SLC25A42: variants seen among roughly 807,000 people sequenced by gnomAD.
The protein encoded by SLC25A42 is solute carrier family 25 member 42.
A neutral mutation model predicts 34.7 loss-of-function variants in SLC25A42; 19 were observed. The observed-to-expected ratio is 0.55, with a 90% CI of 0.38 to 0.80. SLC25A42 has a LOEUF of 0.80. Ranked by LOEUF, SLC25A42 falls within the 30% of genes least tolerant of loss-of-function variation. The pLI, the probability that SLC25A42 is intolerant of heterozygous loss-of-function variation, is 0.00. For missense variants in SLC25A42, 364 were observed against 441.3 expected, an observed-to-expected ratio of 0.82 and a Z score of 1.57; for synonymous variants, 205 against 191.2, an observed-to-expected ratio of 1.07 and a Z score of -0.59.
At chr19:19,074,708 T>C (rs1002641372) in intron 1 of SLC25A42, among the ~76,000 whole-genome samples, 3 of 151,822 alleles carry the variant, frequency 2.0e-5, no homozygotes, top group Admixed American at 2.0e-4. Flanking sequence ...AGAGAGTGTG[T>C]GTGTGCGTGC....
chr19:19,086,841 A>G (rs910742052), intron 1 of SLC25A42, among the ~76,000 whole-genome samples: 1 of 152,044 alleles, frequency 6.6e-6, no homozygotes, highest in Non-Finnish European at 1.5e-5. Context: ...GGGCTTTTCC[A>G]TGTTGCCCAG....
chr19:19,077,187 A>G (rs750807348), intron 1 of SLC25A42, among the ~76,000 whole-genome samples: 20 of 152,208 alleles, frequency 1.3e-4, no homozygotes, highest in Admixed American at 1.1e-3. Flanking sequence ...CCCTGTGTCA[A>G]AAATAAATAA....
At position 19,110,887 on chromosome 19, in the gene SLC25A42, G is replaced by A. The variant is rs908992952; in HGVS notation, c.*11G>A. 4 of 1,613,396 alleles carry A rather than the reference G, an allele frequency of 2.5e-6. No individual in the cohort carries two copies. Among genetic ancestry groups the A allele is most frequent in the African/African-American group, 2.7e-5 (2 of 74,932 alleles). On this transcript the variant is annotated 3_prime_UTR_variant, in exon 8 of 8. Coordinates refer to ENST00000318596, the MANE Select transcript of SLC25A42 (RefSeq NM_178526.5). Reference sequence around the variant, plus strand: ...CACCTGCAGAGCTAGGGGACCCTGAGCTGCTCTCAGGACGGTGGACCGGTG... The same window carrying A: ...CACCTGCAGAGCTAGGGGACCCTGAACTGCTCTCAGGACGGTGGACCGGTG...
chr19:19,096,754 T>C (rs938661937), intron 2 of SLC25A42, among the ~76,000 whole-genome samples: 1 of 152,014 alleles, frequency 6.6e-6, no homozygotes, highest in African/African-American at 2.4e-5. Flanking sequence ...CTGGGCAACA[T>C]GGTGAAACCC....
chr19:19,102,572 C>T (rs980210419), intron 3 of SLC25A42, among the ~76,000 whole-genome samples: 6 of 151,842 alleles, frequency 4.0e-5, no homozygotes, highest in Admixed American at 6.6e-5. Flanking sequence ...GGTGAAACCC[C>T]GCCTCTACTA....
chr19:19,096,033 A>G, intron 1 of SLC25A42, 58 bp from the exon 2 acceptor site: 1 of 1,155,800 alleles, frequency 8.7e-7, no homozygotes. Context: ...AGGCTGGTGG[A>G]ACACCCACCA....
Position 19,080,223 on chromosome 19 carries a change from G to C in SLC25A42, c.-34-15868G>C, listed in dbSNP as rs190639191. Among the ~76,000 whole-genome samples, 137 of 152,310 alleles carry C rather than the reference G, an allele frequency of 9.0e-4. 1 individual carries two copies. Among genetic ancestry groups the C allele is most frequent in the African/African-American group, 3.2e-3 (135 of 41,574 alleles). On this transcript the variant is annotated intron_variant, in intron 1 of 7. Transcript: ENST00000318596. ...CCTGAGGGTGCTCATCTGGTGAAGA[G>C]CAGAGTGGGCTTGAATCTGTGACCC... is the stretch of plus-strand genomic sequence containing the variant.
At chr19:19,069,431 G>A (rs2059618267) in intron 1 of SLC25A42, among the ~76,000 whole-genome samples, 1 of 152,126 alleles carries the variant, frequency 6.6e-6, no homozygotes, top group African/African-American at 2.4e-5. Flanking sequence ...CCACAAACTG[G>A]GGGGCTTCAG....
chr19:19,097,942 G>A (rs1172963559), intron 2 of SLC25A42, among the ~76,000 whole-genome samples: 2 of 146,728 alleles, frequency 1.4e-5, no homozygotes, highest in South Asian at 4.4e-4. Flanking sequence ...CAGCCTAGGC[G>A]ACAGAGTGAG....
chr19:19,103,159 T>A (rs1157755138), intron 3 of SLC25A42, among the ~76,000 whole-genome samples: 1 of 152,188 alleles, frequency 6.6e-6, no homozygotes, highest in Admixed American at 6.5e-5. Flanking sequence ...AGTGGTGTGA[T>A]CTTGGCTCAG....
intron 6 of SLC25A42, chr19:19,106,739 C>T (rs2059831300): frequency 1.3e-5 from 2 of 155,938 alleles, no homozygotes; most frequent in South Asian, 3.8e-4. Flanking sequence ...TTGAGACCAG[C>T]TTGGGCAACA....
At chr19:19,089,441 T>C (rs998655294) in intron 1 of SLC25A42, among the ~76,000 whole-genome samples, 25 of 151,568 alleles carry the variant, frequency 1.6e-4, no homozygotes, top group Non-Finnish European at 3.5e-4. Context: ...GGCAGGAGAA[T>C]TGCTTGAACC....
intron 1 of SLC25A42, among the ~76,000 whole-genome samples, chr19:19,067,243 G>A (rs999140258): frequency 2.6e-5 from 4 of 152,064 alleles, no homozygotes; most frequent in African/African-American, 7.2e-5. Context: ...GGCTTGTGGG[G>A]TAGGGATTAA....
At position 19,106,404 on chromosome 19, in the gene SLC25A42, G is replaced by A. The variant is rs1313373363; in HGVS notation, c.497+19G>A. The stretch of plus-strand genomic sequence containing the variant: ...AGGAAATGTGAGTCCTTACATCGGT[G>A]ATGCGCATCAGCCCCGGGGGCTCTG... On this transcript the variant is annotated intron_variant, in intron 6 of 7. Transcript: ENST00000318596. 1 of 1,594,136 alleles carries A rather than the reference G, an allele frequency of 6.3e-7. No individual in the cohort carries two copies.
At chr19:19,103,735 T>C (rs1202934168) in intron 3 of SLC25A42, among the ~76,000 whole-genome samples, 2 of 152,088 alleles carry the variant, frequency 1.3e-5, no homozygotes, top group Non-Finnish European at 2.9e-5. Flanking sequence ...ATCTGCAGGC[T>C]TGAGCCAGGC....
rs893520155 is a variant in SLC25A42, at chr19:19,106,122, G to A, written c.381-147G>A. On this transcript the variant is annotated intron_variant, in intron 5 of 7. Coordinates refer to ENST00000318596, the MANE Select transcript of SLC25A42 (RefSeq NM_178526.5). Reference sequence around the variant, plus strand: ...CCACTCCAGAGACCCCATCAGCTTGGCCAGGAGGAAGCCAAACCCGCCTCG... The same window carrying A: ...CCACTCCAGAGACCCCATCAGCTTGACCAGGAGGAAGCCAAACCCGCCTCG... The A allele has an allele frequency of 9.0e-6, 6 of 670,088 alleles. No individual in the cohort carries two copies. In the Admixed American group the frequency reaches 1.5e-4, roughly 16 times the overall value. The allele number at this position is 670,088 out of a possible 1,614,324, so 41.5% of individuals were successfully genotyped here. A position where few individuals can be genotyped will look rare whatever the true frequency, so the allele number is the denominator to read the frequency against.
At chr19:19,091,371 T>C (rs533958861) in intron 1 of SLC25A42, among the ~76,000 whole-genome samples, 13 of 152,054 alleles carry the variant, frequency 8.5e-5, no homozygotes, top group Admixed American at 7.9e-4. Flanking sequence ...GGCAGGAGAA[T>C]CGCTTGAACC....
At chr19:19,068,855 A>AATAG (rs1309628373) in intron 1 of SLC25A42, among the ~76,000 whole-genome samples, 60 of 150,546 alleles carry the variant, frequency 4.0e-4, no homozygotes, top group African/African-American at 1.4e-3. Flanking sequence ...TAAATAAATA[A>AATAG]ATAAATAAAT....
intron 1 of SLC25A42, among the ~76,000 whole-genome samples, chr19:19,090,607 C>T (rs978847113): frequency 3.9e-5 from 6 of 152,058 alleles, no homozygotes; most frequent in African/African-American, 1.4e-4. Context: ...GCGGGAGGAT[C>T]ACTTGAGTTC....
Sources: gnomAD v4.1 joint callset for allele counts (sites outside exome capture counted in the v4.1 genomes callset) on GRCh38, gnomAD v4.1.1 for gene constraint, MANE v1.5 for transcripts, NCBI Gene and HGNC (gene_info 2026-07-23, HGNC 2026-07-21) for gene names.